Variants in PDS5A observed in about 807,000 individuals in gnomAD.
The protein encoded by PDS5A is PDS5 cohesin associated factor A, also known as sister chromatid cohesion protein PDS5 homolog A.
In PDS5A, 42 loss-of-function variants were observed where a neutral mutation model predicts 167.1. That is an observed-to-expected ratio of 0.25 (90% confidence interval 0.20 to 0.33). The LOEUF is 0.33. Among genes scored for constraint, PDS5A ranks in the 10% least tolerant of loss-of-function variants. The pLI, the probability that PDS5A is intolerant of heterozygous loss-of-function variation, is 1.00. For missense variants in PDS5A, 1,033 were observed against 1,605.9 expected (o/e 0.64, Z 6.10); for synonymous variants, 553 against 554.6 (o/e 1.00, Z 0.04).
chr4:39,920,258 AAATT>A (rs1232585882), intron 7 of PDS5A, 57 bp downstream of exon 7: 5 of 731,660 alleles, frequency 6.8e-6, no homozygotes, highest in Non-Finnish European at 9.1e-6. Flanking sequence ...AGGTTCTAAT[AAATT>A]AATACAATGG....
At chr4:39,902,166 C>A (rs566896260) in intron 13 of PDS5A, among the ~76,000 whole-genome samples, 181 bp downstream of exon 13, 1 of 152,212 alleles carries the variant, frequency 6.6e-6, no homozygotes, top group African/African-American at 2.4e-5. Flanking sequence ...GCCAAACAAG[C>A]CTACACATAT....
At chr4:39,845,991 C>T (rs1211798750) in intron 28 of PDS5A, 111 bp from the exon 29 acceptor site, 8 of 894,032 alleles carry the variant, frequency 8.9e-6, no homozygotes, top group Non-Finnish European at 1.5e-6. Context: ...ATAATAAATA[C>T]ACTTGTGCTA....
rs558358090 is a variant in PDS5A, at chr4:39,886,752, G to A, written c.1886+3497C>T. ...TTTTTTTTTAATTTTTCCATTTCACGAGCATGGAATATCTTTCCATTTTTT... is the reference window on the plus strand; with the variant it reads ...TTTTTTTTTAATTTTTCCATTTCACAAGCATGGAATATCTTTCCATTTTTT... On this transcript the variant is annotated intron_variant, in intron 17 of 32. Coordinates refer to ENST00000303538, the MANE Select transcript of PDS5A (RefSeq NM_001100399.2). Among the ~76,000 whole-genome samples, 12 of 151,540 alleles carry A rather than the reference G, an allele frequency of 7.9e-5. No homozygotes were observed. In the South Asian group the frequency reaches 1.5e-3, roughly 18 times the overall value.
chr4:39,842,004 G>A lies in PDS5A; in HGVS notation c.3601C>T (p.Pro1201Ser). 2 of 1,610,226 alleles carry A rather than the reference G, an allele frequency of 1.2e-6. No homozygotes were observed. Among genetic ancestry groups the A allele is most frequent in the Non-Finnish European group, 1.7e-6 (2 of 1,176,666 alleles). The change falls in exon 31 of 33, where the codon CCT becomes TCT. Residue 1201 changes from proline (P) to serine (S), a missense_variant. Pro to Ser is a moderately conservative substitution (Grantham distance 74). Around this residue, in one of 4 missense-constraint regions of PDS5A, gnomAD observed 233 missense variants for 264.0 expected, o/e 0.88. Transcript: ENST00000303538. Reference sequence around the variant, plus strand: ...GGTGTGACTGAAATAATCCTCACAGGGTTCTCTTCATTTTCACTAACTCCA... The same window carrying A: ...GGTGTGACTGAAATAATCCTCACAGAGTTCTCTTCATTTTCACTAACTCCA... ...ETGVSENEEN[P>S]VRIISVTPVK...
At chr4:39,976,831 A>G (rs999612808) in intron 1 of PDS5A, among the ~76,000 whole-genome samples, 1 of 151,786 alleles carries the variant, frequency 6.6e-6, no homozygotes, top group African/African-American at 2.4e-5. Context: ...CCTCCGCACC[A>G]GCCGCCGTGG....
chr4:39,854,818 G>A (rs1394747787), intron 26 of PDS5A, among the ~76,000 whole-genome samples: 2 of 152,126 alleles, frequency 1.3e-5, no homozygotes, highest in Non-Finnish European at 2.9e-5. Flanking sequence ...AAGGAAATAT[G>A]AACATATGAA....
At chr4:39,853,089 T>C (rs1260250027) in intron 26 of PDS5A, among the ~76,000 whole-genome samples, 3 of 152,094 alleles carry the variant, frequency 2.0e-5, no homozygotes, top group African/African-American at 4.8e-5. Flanking sequence ...CAGGCACATG[T>C]TACAACACCA....
chr4:39,952,256 G>A (rs144366635), intron 2 of PDS5A, among the ~76,000 whole-genome samples: 4,474 of 152,238 alleles, frequency 0.029, 204 homozygotes, highest in African/African-American at 0.1. Context: ...GCTTGAACCC[G>A]GGAAGCGGAG....
chr4:39,972,850 T>G (rs943036583), intron 2 of PDS5A, among the ~76,000 whole-genome samples: 1 of 152,056 alleles, frequency 6.6e-6, no homozygotes, highest in Non-Finnish European at 1.5e-5. Flanking sequence ...TGCTGAAAAT[T>G]ATTTTTCCCA....
intron 2 of PDS5A, among the ~76,000 whole-genome samples, chr4:39,955,971 C>T (rs1275992951): frequency 6.6e-6 from 1 of 151,690 alleles, no homozygotes; most frequent in East Asian, 2.0e-4. Flanking sequence ...AAAAATTAGC[C>T]AGACATGGTG....
chr4:39,973,679 T>A, intron 2 of PDS5A: 1 of 1,289,710 alleles, frequency 7.8e-7, no homozygotes, highest in Non-Finnish European at 1.1e-6. Context: ...TATGTAGCTT[T>A]AGCTCAGCGC....
chr4:39,869,355 T>G, intron 22 of PDS5A, 39 bp downstream of exon 22: 1 of 1,196,446 alleles, frequency 8.4e-7, no homozygotes, highest in Non-Finnish European at 1.2e-6. Context: ...AATGTCCCTT[T>G]TTTAAACATG....
intron 2 of PDS5A, among the ~76,000 whole-genome samples, chr4:39,972,445 G>A (rs558669529): frequency 6.6e-6 from 1 of 152,238 alleles, no homozygotes; most frequent in Non-Finnish European, 1.5e-5. Flanking sequence ...GCTTGAACCC[G>A]GGAGGCGGAG....
intron 5 of PDS5A, 42 bp downstream of exon 5, chr4:39,925,794 C>A: frequency 1.3e-6 from 1 of 754,076 alleles, no homozygotes; most frequent in South Asian, 2.1e-5. Context: ...AATACATAAT[C>A]AAGAAAAAGA....
chr4:39,857,576 G>T (rs1293083307), intron 26 of PDS5A, among the ~76,000 whole-genome samples: 1 of 152,176 alleles, frequency 6.6e-6, no homozygotes, highest in African/African-American at 2.4e-5. Flanking sequence ...GATATTTCAT[G>T]TAACAGTAAC....
intron 2 of PDS5A, among the ~76,000 whole-genome samples, chr4:39,970,867 G>A (rs749081457): frequency 4.4e-5 from 6 of 137,610 alleles, no homozygotes; most frequent in Admixed American, 1.6e-4. Flanking sequence ...GTAGGATCAC[G>A]GTTCACTGCA....
At chr4:39,951,596 G>GA (rs76704177) in intron 2 of PDS5A, among the ~76,000 whole-genome samples, 29,479 of 152,156 alleles carry the variant, frequency 0.19, 3,370 homozygotes, top group South Asian at 0.28. Context: ...AACAGTTGGA[G>GA]CACTCAAAAG....
chr4:39,888,241 C>CA (rs34845975), intron 17 of PDS5A, among the ~76,000 whole-genome samples: 6,343 of 52,992 alleles, frequency 0.12, 341 homozygotes, highest in East Asian at 0.36. Flanking sequence ...AAGACTCCGG[C>CA]AAAAAAAAAA....
chr4:39,950,894 A>T (rs1028781395), intron 2 of PDS5A, among the ~76,000 whole-genome samples: 14 of 151,200 alleles, frequency 9.3e-5, no homozygotes, highest in African/African-American at 3.4e-4. Flanking sequence ...CCCACCCTGA[A>T]TTTTTTTTTG....
Sources: gnomAD v4.1 joint callset for allele counts (sites outside exome capture counted in the v4.1 genomes callset) on GRCh38, gnomAD v4.1.1 for gene constraint, gnomAD v4.1.1 regional missense constraint, MANE v1.5 for transcripts, NCBI Gene and HGNC (gene_info 2026-07-23, HGNC 2026-07-21) for gene names.